The following FOXP2 variants were observed in gnomAD, a reference collection of about 807,000 sequenced individuals.
FOXP2 encodes forkhead box P2.
FOXP2 carries 12 observed loss-of-function variants against 115.8 expected under a neutral mutation model. That is an observed-to-expected ratio of 0.10 (90% CI 0.07 to 0.17). The LOEUF (loss-of-function observed/expected upper bound fraction) is 0.17. Among genes scored for constraint, FOXP2 ranks in the 10% least tolerant of loss-of-function variants. FOXP2 has a pLI of 1.00. For synonymous variants in FOXP2, 328 were observed against 297.7 expected, an observed-to-expected ratio of 1.10 and a Z score of -1.05; for missense variants, 629 against 843.5, an observed-to-expected ratio of 0.75 and a Z score of 3.15.
intron 3 of FOXP2, among the ~76,000 whole-genome samples, chr7:114,550,374 C>T (rs370478561): frequency 1.2e-4 from 18 of 152,162 alleles, no homozygotes; most frequent in African/African-American, 4.3e-4. Flanking sequence ...CCTCGGCCTC[C>T]CAAAGTGCTG....
intron 10 of FOXP2, 97 bp from the exon 11 acceptor site, chr7:114,657,969 C>G: frequency 7.6e-7 from 1 of 1,318,918 alleles, no homozygotes. Flanking sequence ...AGTGGCAACA[C>G]AGCTGTAGAA....
At chr7:114,411,935 T>C (rs957231529), upstream of FOXP2, among the ~76,000 whole-genome samples, 10 of 152,276 alleles carry the variant, frequency 6.6e-5, no homozygotes, top group African/African-American at 9.6e-5. Flanking sequence ...GTATTCAATG[T>C]GTTTTTGAAA....
intron 3 of FOXP2, among the ~76,000 whole-genome samples, chr7:114,582,905 G>T (rs1801941248): frequency 6.6e-6 from 1 of 152,030 alleles, no homozygotes; most frequent in Non-Finnish European, 1.5e-5. Context: ...ACCTAAATCT[G>T]CCTTTAGTAC....
intron 3 of FOXP2, among the ~76,000 whole-genome samples, chr7:114,626,785 G>A (rs11768229): frequency 0.13 from 19,724 of 151,588 alleles, 1,558 homozygotes; most frequent in African/African-American, 0.21. Context: ...TTGTTTATCA[G>A]AGAACAAGGA....
chr7:114,362,402 T>C (rs1791772562), intron 2 of FOXP2, among the ~76,000 whole-genome samples: 1 of 151,836 alleles, frequency 6.6e-6, no homozygotes, highest in South Asian at 2.1e-4. Flanking sequence ...CTACAGTTGG[T>C]AGAAAAAAAA....
intron 1 of FOXP2, among the ~76,000 whole-genome samples, chr7:114,287,665 T>C (rs1238490209): frequency 6.6e-6 from 1 of 151,964 alleles, no homozygotes; most frequent in Non-Finnish European, 1.5e-5. Context: ...GTTAAGAAAT[T>C]GGAGACGCAA....
chr7:114,615,018 A>C (rs566429306), intron 3 of FOXP2, among the ~76,000 whole-genome samples: 103 of 152,242 alleles, frequency 6.8e-4, no homozygotes, highest in African/African-American at 2.4e-3. Context: ...CAGGAGTTCA[A>C]GACCATCCTG....
chr7:114,454,550 T>G (rs1311848586), intron 2 of FOXP2, among the ~76,000 whole-genome samples: 1 of 149,342 alleles, frequency 6.7e-6, no homozygotes, highest in Non-Finnish European at 1.5e-5. Context: ...AATCATGCTG[T>G]TATAAAGACA....
At chr7:114,527,401 C>T (rs532854873) in intron 2 of FOXP2, among the ~76,000 whole-genome samples, 64 of 151,840 alleles carry the variant, frequency 4.2e-4, no homozygotes, top group Non-Finnish European at 6.8e-4. Flanking sequence ...ATTACTGTGC[C>T]GTCCTCACAA....
intron 2 of FOXP2, among the ~76,000 whole-genome samples, chr7:114,483,947 A>G (rs1036292459): frequency 2.6e-5 from 4 of 151,776 alleles, no homozygotes; most frequent in South Asian, 2.1e-4. Context: ...CTAGTACTAT[A>G]AGACATGAGA....
At position 114,423,651 on chromosome 7, in the gene FOXP2, C is replaced by T. The variant is rs926542316; in HGVS notation, c.-10-2851C>T. On this transcript the variant is annotated intron_variant, in intron 1 of 16. Transcript: ENST00000350908. ...ATGAATAATTTAGCTTGGTATGTTT[C>T]GGATCATAAGCACATCCACTCTGAA... Among the ~76,000 whole-genome samples, 7 of 151,432 alleles carry T rather than the reference C, an allele frequency of 4.6e-5. No homozygotes were observed. The South Asian group carries it at 6.2e-4, about 13-fold the overall frequency.
chr7:114,288,375 G>T (rs1314884111), intron 2 of FOXP2, among the ~76,000 whole-genome samples: 1 of 151,808 alleles, frequency 6.6e-6, no homozygotes, highest in Non-Finnish European at 1.5e-5. Flanking sequence ...TGGGGAATAT[G>T]AATTTGGTTT....
intron 3 of FOXP2, among the ~76,000 whole-genome samples, chr7:114,601,806 CA>C (rs1268025140): frequency 6.6e-6 from 1 of 151,808 alleles, no homozygotes; most frequent in African/African-American, 2.4e-5. Flanking sequence ...TCATAGGGGT[CA>C]AAAAACATCA....
chr7:114,111,376 C>A (rs2129142214), intron 1 of FOXP2, among the ~76,000 whole-genome samples: 1 of 152,250 alleles, frequency 6.6e-6, no homozygotes, highest in South Asian at 2.1e-4. Flanking sequence ...CAGGTGAGCT[C>A]TACCCCTACC....
At chr7:114,252,965 T>A (rs1795493542) in intron 1 of FOXP2, among the ~76,000 whole-genome samples, 1 of 152,220 alleles carries the variant, frequency 6.6e-6, no homozygotes, top group South Asian at 2.1e-4. Flanking sequence ...CTGCTTTAAA[T>A]GTGTCCCAGA....
At chr7:114,515,726 G>A (rs1476675578) in intron 2 of FOXP2, among the ~76,000 whole-genome samples, 1 of 151,986 alleles carries the variant, frequency 6.6e-6, no homozygotes, top group Admixed American at 6.6e-5. Flanking sequence ...AGTTTAATTA[G>A]ATCCCATTTG....
intron 1 of FOXP2, among the ~76,000 whole-genome samples, chr7:114,286,925 A>C (rs571924361): frequency 1.4e-4 from 21 of 152,164 alleles, no homozygotes; most frequent in African/African-American, 5.1e-4. Flanking sequence ...TTAGCTTAAA[A>C]GTGTTTAGAA....
At chr7:114,516,916 G>A (rs558796420) in intron 2 of FOXP2, among the ~76,000 whole-genome samples, 1 of 151,868 alleles carries the variant, frequency 6.6e-6, no homozygotes, top group Non-Finnish European at 1.5e-5. Context: ...GAATGGTCTC[G>A]ATCTCCTGAC....
At position 114,551,907 on chromosome 7, in the gene FOXP2, T is replaced by A. The variant is rs183198443; in HGVS notation, c.258+17201T>A. On this transcript the variant is annotated intron_variant, in intron 3 of 16. Transcript: ENST00000350908. ...CTAAGAGTACGTTTTATGACAAATA[T>A]TTATAACTACTGTTCTTTGTTCTAT... Among the ~76,000 whole-genome samples, 9 of 152,288 alleles carry A rather than the reference T, an allele frequency of 5.9e-5. No individual in the cohort carries two copies. In the East Asian group the frequency reaches 1.7e-3, roughly 29 times the overall value.
Sources: gnomAD v4.1 joint callset for allele counts (sites outside exome capture counted in the v4.1 genomes callset) on GRCh38, gnomAD v4.1.1 for gene constraint, MANE v1.5 for transcripts, NCBI Gene and HGNC (gene_info 2026-07-23, HGNC 2026-07-21) for gene names.